Variants in GMDS observed in about 807,000 individuals in gnomAD.
The protein encoded by GMDS is GDP-mannose 4,6 dehydratase.
In GMDS, 20 loss-of-function variants were observed where a neutral mutation model predicts 49.9. The ratio of observed to expected loss-of-function variants is 0.40; its 90% CI spans 0.28 to 0.58. The LOEUF is 0.58. Ranked by LOEUF, GMDS falls within the 20% of genes least tolerant of loss-of-function variation. The pLI is 0.42. For missense variants in GMDS, 362 were observed against 481.4 expected (o/e 0.75, Z 2.32); for synonymous variants, 177 against 178.6 (o/e 0.99, Z 0.07).
chr6:2,069,347 A>T (rs1297695207), intron 4 of GMDS, among the ~76,000 whole-genome samples: 2 of 152,216 alleles, frequency 1.3e-5, no homozygotes, highest in African/African-American at 4.8e-5. Context: ...CATTCAGGAC[A>T]TAGGCATGGG....
chr6:1,989,361 G>C (rs1198623669), intron 4 of GMDS, among the ~76,000 whole-genome samples: 1 of 152,144 alleles, frequency 6.6e-6, no homozygotes, highest in Non-Finnish European at 1.5e-5. Flanking sequence ...AGAACAGCTA[G>C]GCTGGTATGT....
intron 9 of GMDS, among the ~76,000 whole-genome samples, chr6:1,629,146 C>T (rs1488684338): frequency 6.6e-6 from 1 of 152,090 alleles, no homozygotes; most frequent in Non-Finnish European, 1.5e-5. Context: ...CTGAAAGATC[C>T]CCCAGAAAAT....
At chr6:2,065,275 A>G (rs1435955836) in intron 4 of GMDS, among the ~76,000 whole-genome samples, 1 of 152,172 alleles carries the variant, frequency 6.6e-6, no homozygotes, top group Non-Finnish European at 1.5e-5. Flanking sequence ...CCATCTGTAC[A>G]TCACCATCAT....
chr6:2,229,729 C>G (rs1780991601), intron 1 of GMDS, among the ~76,000 whole-genome samples: 1 of 152,130 alleles, frequency 6.6e-6, no homozygotes, highest in African/African-American at 2.4e-5. Context: ...CAGATCATCC[C>G]TGACAAAAAT....
At chr6:2,198,560 C>CA (rs749275809) in intron 1 of GMDS, among the ~76,000 whole-genome samples, 5,850 of 78,080 alleles carry the variant, frequency 0.075, 113 homozygotes, top group Non-Finnish European at 0.1. Flanking sequence ...AACAAATAAA[C>CA]AAAAAAAAAA....
chr6:2,189,397 A>G (rs1778918419), intron 1 of GMDS, among the ~76,000 whole-genome samples: 1 of 152,198 alleles, frequency 6.6e-6, no homozygotes, highest in South Asian at 2.1e-4. Context: ...CTGGAGATGC[A>G]GGAGAATCTT....
At chr6:2,155,831 A>C (rs947940669) in intron 1 of GMDS, among the ~76,000 whole-genome samples, 1 of 152,214 alleles carries the variant, frequency 6.6e-6, no homozygotes, top group Non-Finnish European at 1.5e-5. Context: ...TTTTTAAATT[A>C]GGTCGTGAAG....
At chr6:1,661,020 C>G (rs889771188) in intron 9 of GMDS, among the ~76,000 whole-genome samples, 1 of 151,868 alleles carries the variant, frequency 6.6e-6, no homozygotes, top group Non-Finnish European at 1.5e-5. Context: ...CTGAGCAGCG[C>G]CACATAAAAG....
chr6:1,862,975 T>C (rs1172624767), intron 7 of GMDS, among the ~76,000 whole-genome samples: 1 of 152,204 alleles, frequency 6.6e-6, no homozygotes, highest in Non-Finnish European at 1.5e-5. Flanking sequence ...GTATAGATAA[T>C]TCATTATGAG....
chr6:2,006,008 T>C (rs1257219840), intron 4 of GMDS, among the ~76,000 whole-genome samples: 4 of 152,150 alleles, frequency 2.6e-5, no homozygotes, highest in African/African-American at 9.6e-5. Flanking sequence ...TACCATTTTA[T>C]ACACTAATGA....
chr6:2,221,578 C>T (rs1780591989), intron 1 of GMDS, among the ~76,000 whole-genome samples: 1 of 152,078 alleles, frequency 6.6e-6, no homozygotes, highest in African/African-American at 2.4e-5. Context: ...TTAGTAGAGA[C>T]GGGGTTTCAC....
rs752085103 is a variant in GMDS at position 1,766,913 on chromosome 6, G to A, written c.772-24327C>T. ...CAGCAATCTGGCTTAAAGGAGCACC[G>A]GGTAAGGGTTCTTTATTTCCTGCTG... is the stretch of plus-strand genomic sequence containing the variant. On this transcript the variant is annotated intron_variant, in intron 7 of 10. Coordinates refer to ENST00000380815, the MANE Select transcript of GMDS (RefSeq NM_001500.4). This position sits in a 1 kb window ranked among gnomAD's most constrained non-coding sequence, Gnocchi z 4.5. Among the ~76,000 whole-genome samples, 15 of 152,294 alleles carry A rather than the reference G, an allele frequency of 9.8e-5. No homozygotes were observed. Among genetic ancestry groups the A allele is most frequent in the South Asian group, 2.1e-4 (1 of 4,826 alleles).
intron 9 of GMDS, among the ~76,000 whole-genome samples, chr6:1,697,514 A>G (rs1353020768): frequency 6.6e-6 from 1 of 152,234 alleles, no homozygotes; most frequent in Non-Finnish European, 1.5e-5. Flanking sequence ...CTATTCCTTA[A>G]TAGAAAACAA....
chr6:1,675,562 A>C (rs1353717165), intron 9 of GMDS, among the ~76,000 whole-genome samples: 3 of 152,012 alleles, frequency 2.0e-5, no homozygotes, highest in South Asian at 2.1e-4. Context: ...ATCAAGTATA[A>C]TGTTAGCTGG....
intron 1 of GMDS, among the ~76,000 whole-genome samples, chr6:2,212,251 C>T (rs57322395): frequency 6.6e-6 from 1 of 152,184 alleles, no homozygotes; most frequent in Admixed American, 6.5e-5. Context: ...AGTGGCTCTA[C>T]TGTTATTTTC....
rs544301181 is a variant in GMDS, at chr6:1,963,461, T to C, written c.346-2495A>G. Among the ~76,000 whole-genome samples, 8 of 152,348 alleles carry C rather than the reference T, an allele frequency of 5.3e-5. No homozygotes were observed. The South Asian group carries it at 1.7e-3, about 32-fold the overall frequency. ...ATGTTATATCTAAGAATACTTTACTTAACCCAAGATCAGGAAGATTTACTC... is the reference window on the plus strand; with the variant it reads ...ATGTTATATCTAAGAATACTTTACTCAACCCAAGATCAGGAAGATTTACTC... On this transcript the variant is annotated intron_variant, in intron 4 of 10. Coordinates refer to ENST00000380815, the MANE Select transcript of GMDS (RefSeq NM_001500.4).
intron 7 of GMDS, among the ~76,000 whole-genome samples, chr6:1,789,643 C>T (rs965527890): frequency 2.0e-5 from 3 of 151,694 alleles, no homozygotes; most frequent in African/African-American, 7.3e-5. Context: ...TCAAGCAATC[C>T]TCCCACCTTA....
At chr6:2,151,027 T>C (rs529224737) in intron 1 of GMDS, among the ~76,000 whole-genome samples, 52 of 152,274 alleles carry the variant, frequency 3.4e-4, no homozygotes, top group African/African-American at 1.2e-3. Flanking sequence ...TTTCATGTAT[T>C]TGTCTATAAG....
intron 4 of GMDS, among the ~76,000 whole-genome samples, chr6:2,030,813 G>A (rs981696260): frequency 6.6e-6 from 1 of 152,162 alleles, no homozygotes; most frequent in Admixed American, 6.5e-5. Context: ...AGCTCAAAAT[G>A]TATTGCTTGG....
Sources: allele counts gnomAD v4.1 joint callset (sites outside exome capture counted in the v4.1 genomes callset), GRCh38; gene constraint gnomAD v4.1.1; non-coding constraint Gnocchi (gnomAD v3.1); transcripts MANE v1.5; gene names NCBI Gene and HGNC (gene_info 2026-07-23, HGNC 2026-07-21).